Variants in ANK2 observed in about 807,000 individuals in gnomAD.
ANK2 encodes ankyrin 2.
Under a neutral mutation model 360.5 loss-of-function variants are expected in ANK2, and 83 were observed. The ratio of observed to expected loss-of-function variants is 0.23; its 90% CI spans 0.19 to 0.28. The LOEUF (loss-of-function observed/expected upper bound fraction) is 0.28. Ranked by LOEUF, ANK2 falls within the 10% of genes least tolerant of loss-of-function variation. The pLI is 1.00. For missense variants in ANK2, 4,201 were observed against 4,795.7 expected (o/e 0.88, Z 3.66); for synonymous variants, 1,740 against 1,759.5 (o/e 0.99, Z 0.28).
chr4:113,145,287 T>A (rs900735681), intron 1 of ANK2, among the ~76,000 whole-genome samples: 1 of 151,160 alleles, frequency 6.6e-6, no homozygotes. Flanking sequence ...TGAGAAAGAG[T>A]ATACATAAAC....
intron 1 of ANK2, among the ~76,000 whole-genome samples, chr4:113,072,619 T>C (rs988960244): frequency 6.6e-6 from 1 of 152,174 alleles, no homozygotes; most frequent in African/African-American, 2.4e-5. Flanking sequence ...TTAAATTGTG[T>C]ACGGAGGTTC....
At chr4:112,935,112 T>A (rs990368374) in intron 2 of ANK2, among the ~76,000 whole-genome samples, 1 of 133,494 alleles carries the variant, frequency 7.5e-6, no homozygotes, top group African/African-American at 3.5e-5. Flanking sequence ...GGAACCGAAG[T>A]CAGAGAAAGT....
chr4:113,134,281 CT>C (rs5861124), intron 1 of ANK2, among the ~76,000 whole-genome samples: 21,363 of 86,028 alleles, frequency 0.25, 2,294 homozygotes, highest in Middle Eastern at 0.38. Flanking sequence ...TGAAAGTTGT[CT>C]TTTTTTTTTT....
intron 23 of ANK2, among the ~76,000 whole-genome samples, chr4:113,308,806 G>A (rs941660587): frequency 6.6e-6 from 1 of 152,176 alleles, no homozygotes; most frequent in Non-Finnish European, 1.5e-5. Context: ...GAAGGGGAAA[G>A]ACCTCCATAG....
intron 2 of ANK2, among the ~76,000 whole-genome samples, chr4:112,942,002 CTAT>C (rs970194566): frequency 2.6e-5 from 4 of 151,542 alleles, no homozygotes; most frequent in Admixed American, 6.6e-5. Context: ...CAAATGATAG[CTAT>C]TATTGTTGTT....
At chr4:113,162,750 T>A (rs1311476487) in intron 1 of ANK2, among the ~76,000 whole-genome samples, 1 of 150,352 alleles carries the variant, frequency 6.7e-6, no homozygotes, top group East Asian at 1.9e-4. Context: ...TTTTTTTTTT[T>A]TAAACTTCAA....
chr4:113,248,511 G>A (rs897901836), intron 9 of ANK2, among the ~76,000 whole-genome samples: 1 of 152,096 alleles, frequency 6.6e-6, no homozygotes. Flanking sequence ...GGAAGCCAGA[G>A]GACAAGGCAG....
At chr4:112,798,130 G>A in the ANK2 span, 7 of 153,518 alleles carry the variant, frequency 4.6e-5, no homozygotes, top group Admixed American at 2.0e-4. Context: ...ACTCATCAAG[G>A]TGTACTACTT....
chr4:113,372,386 C>T (rs569925291), intron 43 of ANK2: 1 of 568,070 alleles, frequency 1.8e-6, no homozygotes, highest in East Asian at 3.0e-5. Context: ...CTGAGACCAG[C>T]ACGTATTTGT....
chr4:113,331,057 C>G lies in ANK2; in HGVS notation c.3125+587C>G, dbSNP rs541622873. Among the ~76,000 whole-genome samples, 36 of 152,238 alleles carry G rather than the reference C, an allele frequency of 2.4e-4. 1 individual carries two copies. In the South Asian group the frequency reaches 7.5e-3, roughly 32 times the overall value. On this transcript the variant is annotated intron_variant, in intron 27 of 45. Transcript: ENST00000357077. ...CCGTGCTCGTTTTGGCAATTTTGAGCAGAATTTAGCATTTCTTCTTTCTTC... is the reference window on the plus strand; with the variant it reads ...CCGTGCTCGTTTTGGCAATTTTGAGGAGAATTTAGCATTTCTTCTTTCTTC...
intron 2 of ANK2, among the ~76,000 whole-genome samples, chr4:112,938,335 C>T (rs2093928070): frequency 6.6e-6 from 1 of 152,174 alleles, no homozygotes. Flanking sequence ...TAGATTCCTT[C>T]TCCAGACTTC....
intron 2 of ANK2, among the ~76,000 whole-genome samples, chr4:112,963,647 T>C (rs1440262639): frequency 6.6e-6 from 1 of 152,160 alleles, no homozygotes; most frequent in Non-Finnish European, 1.5e-5. Context: ...TGGGTGCTTC[T>C]ATAAAATGGG....
chr4:112,903,823 T>C (rs938797424), intron 1 of ANK2, among the ~76,000 whole-genome samples: 1 of 152,196 alleles, frequency 6.6e-6, no homozygotes, highest in African/African-American at 2.4e-5. Context: ...ACAATGCTGG[T>C]CAGGTCACGT....
chr4:112,801,616 G>C, the ANK2 span, among the ~76,000 whole-genome samples: 223 of 152,228 alleles, frequency 1.5e-3, 1 homozygote, highest in Non-Finnish European at 2.6e-3. Context: ...GAATTGAATG[G>C]GAGTCAGCTA....
chr4:113,086,146 A>C (rs2084630599), intron 1 of ANK2, among the ~76,000 whole-genome samples: 2 of 152,178 alleles, frequency 1.3e-5, no homozygotes. Flanking sequence ...TAAATATTAA[A>C]ATTGCCTCAG....
At chr4:112,711,970 A>G in the ANK2 span, among the ~76,000 whole-genome samples, 1 of 150,674 alleles carries the variant, frequency 6.6e-6, no homozygotes, top group African/African-American at 2.4e-5. Context: ...AGCCTGTGCC[A>G]CTGCACCTAG....
chr4:113,199,851 C>A (rs1305391792), intron 4 of ANK2, among the ~76,000 whole-genome samples: 2 of 152,114 alleles, frequency 1.3e-5, no homozygotes, highest in Non-Finnish European at 2.9e-5. Context: ...GCAAAATAAG[C>A]CAGCTCTGTT....
chr4:112,856,241 A>G (rs1448125128), intron 1 of ANK2, among the ~76,000 whole-genome samples: 1 of 152,210 alleles, frequency 6.6e-6, no homozygotes, highest in Admixed American at 6.5e-5. Flanking sequence ...ATTTATTGCA[A>G]AGCAAAAGTA....
At chr4:112,890,862 C>A (rs935044994) in intron 1 of ANK2, among the ~76,000 whole-genome samples, 1 of 152,140 alleles carries the variant, frequency 6.6e-6, no homozygotes, top group African/African-American at 2.4e-5. Context: ...CCACTACGCC[C>A]GGCCTGTGAT....
Sources: gnomAD v4.1 joint callset for allele counts (sites outside exome capture counted in the v4.1 genomes callset) on GRCh38, gnomAD v4.1.1 for gene constraint, MANE v1.5 for transcripts, NCBI Gene and HGNC (gene_info 2026-07-23, HGNC 2026-07-21) for gene names.